The following SNED1 variants were observed in gnomAD, a reference collection of about 807,000 sequenced individuals.
SNED1 encodes the protein sushi, nidogen and EGF-like domain-containing protein 1.
SNED1 carries 81 observed loss-of-function variants against 166.7 expected under a neutral mutation model. The observed-to-expected ratio is 0.49, with a 90% CI of 0.41 to 0.58. The LOEUF is 0.58. Among genes scored for constraint, SNED1 ranks in the 20% least tolerant of loss-of-function variants. SNED1 has a pLI of 0.00. For synonymous variants in SNED1, 762 were observed against 822.0 expected (o/e 0.93, Z 1.25); for missense variants, 1,604 against 2,000.2 (o/e 0.80, Z 3.78).
chr2:241,016,357 G>A (rs747890675), intron 1 of SNED1, among the ~76,000 whole-genome samples: 7 of 151,892 alleles, frequency 4.6e-5, no homozygotes, highest in Non-Finnish European at 8.8e-5. Flanking sequence ...CACCTTGCCC[G>A]GCTAATTCTT....
At chr2:241,078,106 C>T (rs58477296) in intron 27 of SNED1, among the ~76,000 whole-genome samples, 5,554 of 152,152 alleles carry the variant, frequency 0.037, 334 homozygotes, top group African/African-American at 0.12. Flanking sequence ...GAAAAGTGGC[C>T]GGGCGCGGTG....
chr2:241,033,911 C>G (rs2061263124), intron 3 of SNED1, 36 bp downstream of exon 3: 4 of 1,558,082 alleles, frequency 2.6e-6, no homozygotes, highest in Non-Finnish European at 3.5e-6. Context: ...TGTTCAGAAC[C>G]CCTGCTCCCC....
At chr2:240,998,119 A>T (rs932448666), upstream of SNED1, among the ~76,000 whole-genome samples, 1 of 152,262 alleles carries the variant, frequency 6.6e-6, no homozygotes, top group Admixed American at 6.5e-5. Context: ...AGATGCAAAC[A>T]CTTTGTTCCA....
intron 16 of SNED1, among the ~76,000 whole-genome samples, chr2:241,059,597 G>A (rs771906208): frequency 2.6e-5 from 4 of 152,026 alleles, no homozygotes; most frequent in Non-Finnish European, 4.4e-5. Flanking sequence ...TGACCAAGTG[G>A]GATTTTTCTC....
Position 241,062,888 on chromosome 2 carries a change from C to A in SNED1, c.2355C>A (p.Gly785=). The A allele has an allele frequency of 1.2e-6, 2 of 1,603,392 alleles. No individual in the cohort carries two copies. Among genetic ancestry groups the A allele is most frequent in the Non-Finnish European group, 1.7e-6 (2 of 1,175,720 alleles). Residue 785 remains glycine, a synonymous_variant, in exon 17 of 32, where the codon GGC becomes GGA. Coordinates refer to ENST00000310397, the MANE Select transcript of SNED1 (RefSeq NM_001080437.3). ...GCCTCTGCAGCACAGGCTATGAGGGCGCCCACTGTGAGCTGGGTAAGAGGG... is the reference window on the plus strand; with the variant it reads ...GCCTCTGCAGCACAGGCTATGAGGGAGCCCACTGTGAGCTGGGTAAGAGGG... The part of the protein sequence containing the change: ...YLCLCSTGYE[G]AHCELERDEC...
Position 241,051,604 on chromosome 2 carries a change from C to G in SNED1, c.1736-140C>G. ...ACCATGTGTGCGGACCTGCTTGGCC[C>G]CTGCTGCAGCCAGGCCCCAGGGCTT... On this transcript the variant is annotated intron_variant, in intron 12 of 31. Coordinates refer to ENST00000310397, the MANE Select transcript of SNED1 (RefSeq NM_001080437.3). This position sits in a 1 kb window ranked among gnomAD's most constrained non-coding sequence, Gnocchi z 4.7. 1 of 641,424 alleles carries G rather than the reference C, an allele frequency of 1.6e-6. No homozygotes were observed. The highest frequency in any genetic ancestry group is 2.9e-5 in the East Asian group (1 of 34,446). 39.7% of individuals were successfully genotyped at this position (641,424 alleles called of 1,614,324 possible).
intron 12 of SNED1, among the ~76,000 whole-genome samples, chr2:241,050,324 T>C (rs1266051112): frequency 6.6e-6 from 1 of 152,212 alleles, no homozygotes; most frequent in Non-Finnish European, 1.5e-5. Context: ...AGAAGTGTCC[T>C]TCTGTAAGCA....
intron 8 of SNED1, chr2:241,040,776 C>G (rs186182558): frequency 5.1e-5 from 24 of 472,574 alleles, no homozygotes; most frequent in African/African-American, 4.0e-4. Context: ...TTTTTAACAT[C>G]TTCCTCTCCT....
At chr2:241,063,390 C>G in intron 17 of SNED1, 197 bp from the exon 18 acceptor site, 2 of 604,064 alleles carry the variant, frequency 3.3e-6, no homozygotes, top group South Asian at 3.6e-5. Context: ...GGGGCTTTGC[C>G]AGCAGGCAGT....
At chr2:241,004,693 G>T (rs1317397149) in intron 1 of SNED1, among the ~76,000 whole-genome samples, 1 of 151,850 alleles carries the variant, frequency 6.6e-6, no homozygotes, top group Non-Finnish European at 1.5e-5. Context: ...CTTTACACAT[G>T]TTATAAACCC....
At position 241,068,956 on chromosome 2, in the gene SNED1, C is replaced by T. The variant is rs2062584768; in HGVS notation, c.3240C>T (p.Leu1080=). ...GKRYTIQLTT[L]SGLRGEEHPT... is the part of the protein sequence containing the mutation. The stretch of plus-strand genomic sequence containing the variant: ...GGTACACCATCCAGCTGACCACCCT[C>T]AGTGGGCTCAGGGGAGAGGAGCACC... The change falls in exon 23 of 32, where the codon CTC becomes CTT. Residue 1080 remains leucine (L), a synonymous_variant. Transcript: ENST00000310397. The surrounding 1 kb of genome is among the most constrained non-coding windows in gnomAD (Gnocchi z 5.3). 6.4e-7 allele frequency: 1 copy of T among 1,556,224 alleles called. No individual in the cohort carries two copies. Among genetic ancestry groups the T allele is most frequent in the Non-Finnish European group, 8.7e-7 (1 of 1,150,162 alleles).
intron 1 of SNED1, among the ~76,000 whole-genome samples, chr2:241,009,168 A>G (rs1336156813): frequency 6.6e-6 from 1 of 152,180 alleles, no homozygotes; most frequent in Non-Finnish European, 1.5e-5. Context: ...TGGTGGCTGG[A>G]GGTGACAGTG....
chr2:241,065,692 C>A, intron 21 of SNED1, 97 bp downstream of exon 21: 2 of 1,039,440 alleles, frequency 1.9e-6, no homozygotes, highest in African/African-American at 1.6e-5. Context: ...TGCCGTCCAC[C>A]CTCCTAGTTC....
rs577978043 is a variant in SNED1 at position 241,084,068 on chromosome 2, C to A, written c.4121+1704C>A. ...TTGCTCTGGGATTTGCCATACACAT[C>A]TTCACCTTAACACAATGTACCCTTA... is the stretch of plus-strand genomic sequence containing the variant. On this transcript the variant is annotated intron_variant, in intron 29 of 31. Transcript: ENST00000310397. Among the ~76,000 whole-genome samples, 5 of 151,244 alleles carry A rather than the reference C, an allele frequency of 3.3e-5. No homozygotes were observed. The East Asian group carries it at 9.7e-4, about 29-fold the overall frequency.
chr2:241,010,037 G>C (rs2060343194), intron 1 of SNED1: 1 of 152,328 alleles, frequency 6.6e-6, no homozygotes, highest in African/African-American at 2.4e-5. Flanking sequence ...GGAAATAAAA[G>C]ACATGCCTGC....
Position 241,046,059 on chromosome 2 carries a change from A to G in SNED1, c.1274-2256A>G, listed in dbSNP as rs1453363673. On this transcript the variant is annotated intron_variant, in intron 8 of 31. Coordinates refer to ENST00000310397, the MANE Select transcript of SNED1 (RefSeq NM_001080437.3). ...TGGAGGTGAATAAACGGATGGAAAAATACTCTTGTCATTAATATCAGCCAT... is the reference window on the plus strand; with the variant it reads ...TGGAGGTGAATAAACGGATGGAAAAGTACTCTTGTCATTAATATCAGCCAT... Among the ~76,000 whole-genome samples, 4 of 152,234 alleles carry G rather than the reference A, an allele frequency of 2.6e-5. No homozygotes were observed. The East Asian group carries it at 7.7e-4, about 29-fold the overall frequency.
Position 241,062,989 on chromosome 2 carries a change from C to CT in SNED1, c.2371+86dup, listed in dbSNP as rs1417265580. ...GGCACTGGGTCCCCCGGACAGGTCT[C>CT]TGTCTGGATGGCCAGGGTGGCCACT... On this transcript the variant is annotated intron_variant, in intron 17 of 31. Transcript: ENST00000310397. 3.5e-6 allele frequency: 3 copies of CT among 857,874 alleles called. No homozygotes were observed. In the African/African-American group the frequency reaches 5.1e-5, roughly 15 times the overall value. 53.1% of individuals were successfully genotyped at this position (857,874 alleles called of 1,614,324 possible).
chr2:241,071,289 G>A (rs2062701081), intron 24 of SNED1: 2 of 490,886 alleles, frequency 4.1e-6, no homozygotes, highest in Non-Finnish European at 7.4e-6. Flanking sequence ...CTTGAGTGAC[G>A]GGCAGGGGCC....
At chr2:241,023,790 T>C (rs920456340) in intron 1 of SNED1, among the ~76,000 whole-genome samples, 3 of 152,150 alleles carry the variant, frequency 2.0e-5, no homozygotes, top group Admixed American at 6.5e-5. Flanking sequence ...CTGATAATAA[T>C]GTGATTATAC....
Sources: gnomAD v4.1 joint callset for allele counts (sites outside exome capture counted in the v4.1 genomes callset) on GRCh38, gnomAD v4.1.1 for gene constraint, Gnocchi (gnomAD v3.1) non-coding constraint, MANE v1.5 for transcripts, NCBI Gene and HGNC (gene_info 2026-07-23, HGNC 2026-07-21) for gene names.